NPAS3: variants seen among roughly 807,000 people sequenced by gnomAD.
NPAS3 encodes the protein neuronal PAS domain-containing protein 3.
In NPAS3, 14 loss-of-function variants were observed where a neutral mutation model predicts 73.1. The observed-to-expected ratio is 0.19, with a 90% CI of 0.13 to 0.30. The LOEUF is 0.30. NPAS3 is among the 10% of genes least tolerant of loss of function. NPAS3 has a pLI of 1.00. For synonymous variants in NPAS3, 620 were observed against 541.5 expected (o/e 1.14, Z -2.01); for missense variants, 1,096 against 1,250.0 (o/e 0.88, Z 1.86).
intron 1 of NPAS3, among the ~76,000 whole-genome samples, chr14:32,975,892 T>C (rs140781943): frequency 1.7e-5 from 2 of 120,850 alleles, no homozygotes. Flanking sequence ...TGTGTGTGTG[T>C]GTGTGAGAGA....
intron 1 of NPAS3, among the ~76,000 whole-genome samples, chr14:32,962,564 CTTTTCT>C (rs1317904166): frequency 1.4e-3 from 173 of 122,528 alleles, no homozygotes; most frequent in African/African-American, 5.4e-3. Context: ...TTTCTTTTTT[CTTTTCT>C]TTTTTTTTTT....
At chr14:33,469,097 A>G (rs2050663899) in intron 4 of NPAS3, among the ~76,000 whole-genome samples, 1 of 152,192 alleles carries the variant, frequency 6.6e-6, no homozygotes, top group African/African-American at 2.4e-5. Flanking sequence ...TAGTAATTAA[A>G]GACATTTTCT....
chr14:33,197,252 TG>T (rs2046394391), intron 2 of NPAS3, among the ~76,000 whole-genome samples: 1 of 148,184 alleles, frequency 6.7e-6, no homozygotes, highest in Non-Finnish European at 1.5e-5. Context: ...TGTGTGTGTG[TG>T]TGTGTGTGTG....
chr14:33,479,139 G>A (rs555751139), intron 4 of NPAS3, among the ~76,000 whole-genome samples: 15 of 152,108 alleles, frequency 9.9e-5, no homozygotes, highest in African/African-American at 1.7e-4. Flanking sequence ...AAACCAATGC[G>A]CTTTAATATT....
At chr14:33,140,375 A>C (rs1341243257) in intron 2 of NPAS3, among the ~76,000 whole-genome samples, 1 of 146,028 alleles carries the variant, frequency 6.8e-6, no homozygotes, top group East Asian at 1.9e-4. Context: ...ACAGAAAAAA[A>C]CAGTCACTAT....
intron 2 of NPAS3, among the ~76,000 whole-genome samples, chr14:33,143,220 G>A (rs559376013): frequency 5.9e-5 from 9 of 152,220 alleles, no homozygotes; most frequent in Non-Finnish European, 1.0e-4. Flanking sequence ...GGCCGGCTGC[G>A]GTGGCTCACG....
At chr14:32,943,606 C>T (rs920845527) in intron 1 of NPAS3, among the ~76,000 whole-genome samples, 1 of 151,946 alleles carries the variant, frequency 6.6e-6, no homozygotes, top group African/African-American at 2.4e-5. Context: ...TAAAGCAACA[C>T]TTTTGGGGAA....
At chr14:33,123,385 C>T (rs898948220) in intron 2 of NPAS3, among the ~76,000 whole-genome samples, 1 of 152,064 alleles carries the variant, frequency 6.6e-6, no homozygotes, top group African/African-American at 2.4e-5. Flanking sequence ...TTGTTCATTA[C>T]TTGACTAGGA....
intron 2 of NPAS3, among the ~76,000 whole-genome samples, chr14:33,064,252 A>G (rs2041205952): frequency 6.6e-6 from 1 of 152,228 alleles, no homozygotes; most frequent in East Asian, 1.9e-4. Flanking sequence ...TTTAAAAAGT[A>G]TATAAGCAGT....
chr14:33,009,370 G>A (rs887468465), intron 1 of NPAS3, among the ~76,000 whole-genome samples: 52 of 152,164 alleles, frequency 3.4e-4, no homozygotes, highest in African/African-American at 1.2e-3. Flanking sequence ...TGAGAGAATT[G>A]TGTCTTGATT....
At chr14:33,102,539 A>G (rs973324315) in intron 2 of NPAS3, among the ~76,000 whole-genome samples, 1 of 152,302 alleles carries the variant, frequency 6.6e-6, no homozygotes, top group Non-Finnish European at 1.5e-5. Flanking sequence ...TACCTGGCAT[A>G]TAGTAAGTGC....
intron 3 of NPAS3, among the ~76,000 whole-genome samples, chr14:33,347,635 T>A (rs1253698640): frequency 6.6e-6 from 1 of 152,172 alleles, no homozygotes; most frequent in Non-Finnish European, 1.5e-5. Context: ...CCATGGGGAA[T>A]TGGTTCCAGA....
intron 1 of NPAS3, among the ~76,000 whole-genome samples, chr14:33,035,211 C>G (rs2040123940): frequency 6.6e-6 from 1 of 152,096 alleles, no homozygotes; most frequent in Non-Finnish European, 1.5e-5. Flanking sequence ...ACTAAATGGG[C>G]AAGCAAAAAT....
intron 3 of NPAS3, among the ~76,000 whole-genome samples, chr14:33,283,775 G>A (rs1042505659): frequency 2.0e-5 from 3 of 152,130 alleles, no homozygotes; most frequent in South Asian, 2.1e-4. Flanking sequence ...TGTGCTTACC[G>A]TAAGAAAGTT....
intron 5 of NPAS3, among the ~76,000 whole-genome samples, chr14:33,625,526 T>G (rs1012295787): frequency 6.6e-6 from 1 of 152,194 alleles, no homozygotes; most frequent in African/African-American, 2.4e-5. Context: ...TTGTTTTTGG[T>G]GAACAACTAT....
chr14:33,742,400 A>G (rs1050079019), intron 7 of NPAS3, among the ~76,000 whole-genome samples: 3 of 152,252 alleles, frequency 2.0e-5, no homozygotes, highest in Non-Finnish European at 2.9e-5. Context: ...AATGAGTCAC[A>G]TGAATTTTTT....
chr14:33,675,489 AT>A (rs2059735720), intron 5 of NPAS3, among the ~76,000 whole-genome samples: 1 of 152,116 alleles, frequency 6.6e-6, no homozygotes, highest in African/African-American at 2.4e-5. Context: ...AAAATAAAAC[AT>A]TTTTTAAAAA....
intron 2 of NPAS3, among the ~76,000 whole-genome samples, chr14:33,123,641 T>C (rs17100186): frequency 0.013 from 2,030 of 151,998 alleles, 21 homozygotes; most frequent in Middle Eastern, 0.02. Flanking sequence ...TTCCTGATAA[T>C]ATGTAGGCCC....
chr14:33,408,566 G>A (rs541717248), intron 4 of NPAS3, among the ~76,000 whole-genome samples: 14 of 152,230 alleles, frequency 9.2e-5, no homozygotes, highest in African/African-American at 3.4e-4. Flanking sequence ...CTTGCATGAG[G>A]TAATTTCAAT....
Sources: allele counts gnomAD v4.1 joint callset (sites outside exome capture counted in the v4.1 genomes callset), GRCh38; gene constraint gnomAD v4.1.1; transcripts MANE v1.5; gene names NCBI Gene and HGNC (gene_info 2026-07-23, HGNC 2026-07-21).